Variants in GPC5 observed in about 807,000 individuals in gnomAD.
The protein encoded by GPC5 is glypican 5.
In GPC5, 47 loss-of-function variants were observed where a neutral mutation model predicts 53.9. That is an observed-to-expected ratio of 0.87 (90% CI 0.69 to 1.11). The LOEUF is 1.11. GPC5 is among the 50% of genes most tolerant of loss of function. The pLI is 0.00. For missense variants in GPC5, 748 were observed against 713.1 expected, an observed-to-expected ratio of 1.05 and a Z score of -0.56; for synonymous variants, 286 against 263.3, an observed-to-expected ratio of 1.09 and a Z score of -0.84.
chr13:92,428,299 CAAAG>C (rs926237527), intron 7 of GPC5, among the ~76,000 whole-genome samples: 2 of 152,082 alleles, frequency 1.3e-5, no homozygotes, highest in Admixed American at 6.6e-5. Context: ...TTCGCTTTGA[CAAAG>C]AAAATCATTC....
At chr13:91,809,774 C>T (rs1182871378) in intron 5 of GPC5, among the ~76,000 whole-genome samples, 2 of 151,892 alleles carry the variant, frequency 1.3e-5, no homozygotes, top group African/African-American at 2.4e-5. Flanking sequence ...TGAATATACT[C>T]TACAAAATTT....
Position 91,756,323 on chromosome 13 carries a change from A to G in GPC5, c.1183A>G (p.Arg395Gly), listed in dbSNP as rs2037291738. The change falls in exon 5 of 8, where the codon AGG (arginine) becomes GGG (glycine). Residue 395 changes from arginine to glycine, a missense_variant. Coordinates refer to ENST00000377067, the MANE Select transcript of GPC5 (RefSeq NM_004466.6). Reference sequence around the variant, plus strand: ...ATTTATCAACAGCCTTCGACTGTACAGGTCATTCTATGGAGGTCTAGCTGA... The same window carrying G: ...ATTTATCAACAGCCTTCGACTGTACGGGTCATTCTATGGAGGTCTAGCTGA... ...KEFINSLRLY[R>G]SFYGGLADQL... 1.9e-6 allele frequency: 3 copies of G among 1,579,772 alleles called. No homozygotes were observed. The highest frequency in any genetic ancestry group is 1.3e-5 in the African/African-American group (1 of 74,542).
intron 5 of GPC5, among the ~76,000 whole-genome samples, chr13:91,765,728 T>C (rs1370915821): frequency 6.6e-6 from 1 of 152,234 alleles, no homozygotes; most frequent in Non-Finnish European, 1.5e-5. Flanking sequence ...AATTCTTTTT[T>C]GATTGAGAGG....
At chr13:91,684,308 C>A (rs1181162199) in intron 2 of GPC5, among the ~76,000 whole-genome samples, 1 of 152,116 alleles carries the variant, frequency 6.6e-6, no homozygotes, top group African/African-American at 2.4e-5. Context: ...TCCTGAGACT[C>A]CAATTATTTT....
At chr13:92,848,991 A>G (rs187154860) in intron 7 of GPC5, among the ~76,000 whole-genome samples, 12 of 152,254 alleles carry the variant, frequency 7.9e-5, no homozygotes, top group Non-Finnish European at 1.5e-4. Context: ...AAATCCATAT[A>G]ATTCCCCTGC....
rs866415656 is a variant in GPC5, at chr13:92,538,984, T to C, written c.1562-327298T>C. Among the ~76,000 whole-genome samples, 384 of 112,356 alleles carry C rather than the reference T, an allele frequency of 3.4e-3. 1 individual carries two copies. The highest frequency in any genetic ancestry group is 5.2e-3 in the African/African-American group (154 of 29,548). 73.7% of individuals were successfully genotyped at this position (112,356 alleles called of 152,430 possible). On this transcript the variant is annotated intron_variant, in intron 7 of 7. Transcript: ENST00000377067. Reference sequence around the variant, plus strand: ...TATATATACCTTGTATATATATATATACCATATATATATACTTTATATATT... The same window carrying C: ...TATATATACCTTGTATATATATATACACCATATATATATACTTTATATATT...
At chr13:92,610,848 T>A (rs1293698180) in intron 7 of GPC5, among the ~76,000 whole-genome samples, 1 of 152,000 alleles carries the variant, frequency 6.6e-6, no homozygotes, top group Non-Finnish European at 1.5e-5. Context: ...ATCACCCCCA[T>A]GATTCAATTA....
chr13:91,564,993 T>TG (rs66999708), intron 2 of GPC5, among the ~76,000 whole-genome samples: 74,938 of 117,522 alleles, frequency 0.64, 21,095 homozygotes, highest in East Asian at 0.77. Flanking sequence ...GGCTTTTTTT[T>TG]GGGGGGGGGT....
At chr13:91,923,261 G>T (rs1444703134) in intron 6 of GPC5, among the ~76,000 whole-genome samples, 1 of 152,106 alleles carries the variant, frequency 6.6e-6, no homozygotes, top group Non-Finnish European at 1.5e-5. Context: ...CTCAATAAAT[G>T]TACTCTGTAA....
intron 7 of GPC5, among the ~76,000 whole-genome samples, chr13:92,419,341 T>G (rs773824103): frequency 2.2e-4 from 34 of 152,208 alleles, no homozygotes; most frequent in Non-Finnish European, 3.8e-4. Flanking sequence ...AAGTGATTTT[T>G]TTCTTCCTTT....
At chr13:92,047,802 C>T (rs2040994913) in intron 6 of GPC5, among the ~76,000 whole-genome samples, 2 of 110,368 alleles carry the variant, frequency 1.8e-5, no homozygotes, top group Non-Finnish European at 1.9e-5. Context: ...AACTCTGTCT[C>T]TACTAAAAAA....
intron 2 of GPC5, among the ~76,000 whole-genome samples, chr13:91,551,516 G>A (rs772203385): frequency 6.6e-6 from 1 of 152,088 alleles, no homozygotes; most frequent in East Asian, 1.9e-4. Flanking sequence ...ACTTGGAATA[G>A]CGAATTCCAT....
intron 7 of GPC5, among the ~76,000 whole-genome samples, chr13:92,475,798 T>C (rs1879098395): frequency 6.6e-6 from 1 of 152,106 alleles, no homozygotes; most frequent in African/African-American, 2.4e-5. Flanking sequence ...GGGGAAAGGA[T>C]TCCCTATTTA....
intron 5 of GPC5, among the ~76,000 whole-genome samples, chr13:91,879,027 A>G (rs2039235712): frequency 6.6e-6 from 1 of 152,202 alleles, no homozygotes; most frequent in African/African-American, 2.4e-5. Flanking sequence ...GCAACTATGC[A>G]CATACCCCCC....
At chr13:92,021,215 T>C (rs943992848) in intron 6 of GPC5, among the ~76,000 whole-genome samples, 3 of 152,166 alleles carry the variant, frequency 2.0e-5, no homozygotes, top group Admixed American at 2.0e-4. Context: ...ATAGCTATGA[T>C]TTGGAAACAA....
At chr13:92,389,708 G>A (rs1438877648) in intron 7 of GPC5, among the ~76,000 whole-genome samples, 2 of 152,044 alleles carry the variant, frequency 1.3e-5, no homozygotes, top group Non-Finnish European at 2.9e-5. Flanking sequence ...TAACTTCAAA[G>A]AGCAAATCAG....
rs966216820 is a variant in GPC5, at chr13:91,737,272, G to A, written c.1154+8607G>A. ...GCATGACTGATTCCATTTTGGTTTA[G>A]GCTGGTCTGTTGAGGCCTAGTGCAA... On this transcript the variant is annotated intron_variant, in intron 4 of 7. Transcript: ENST00000377067. Among the ~76,000 whole-genome samples, 18 of 151,504 alleles carry A rather than the reference G, an allele frequency of 1.2e-4. 1 individual carries two copies. The South Asian group carries it at 3.7e-3, about 31-fold the overall frequency.
intron 5 of GPC5, among the ~76,000 whole-genome samples, chr13:91,780,393 A>G (rs2037779756): frequency 6.6e-6 from 1 of 152,052 alleles, no homozygotes; most frequent in South Asian, 2.1e-4. Context: ...CAGATTCCTC[A>G]TGTATTCATT....
intron 7 of GPC5, among the ~76,000 whole-genome samples, chr13:92,384,417 T>A (rs1474594154): frequency 6.6e-6 from 1 of 152,130 alleles, no homozygotes; most frequent in African/African-American, 2.4e-5. Context: ...AATTCACTTT[T>A]AAAAAATCAA....
Sources: allele counts gnomAD v4.1 joint callset (sites outside exome capture counted in the v4.1 genomes callset), GRCh38; gene constraint gnomAD v4.1.1; transcripts MANE v1.5; gene names NCBI Gene and HGNC (gene_info 2026-07-23, HGNC 2026-07-21).